Variants in MYOM2 observed in about 807,000 individuals in gnomAD.
MYOM2 encodes the protein myomesin 2.
A neutral mutation model predicts 187.6 loss-of-function variants in MYOM2; 254 were observed. The ratio of observed to expected loss-of-function variants is 1.35; its 90% CI spans 1.22 to 1.50. MYOM2 has a LOEUF of 1.50. Among genes scored for constraint, MYOM2 ranks in the 40% most tolerant of loss-of-function variants. MYOM2 has a pLI of 0.00. For synonymous variants in MYOM2, 981 were observed against 753.8 expected (o/e 1.30, Z -4.94); for missense variants, 2,796 against 1,924.0 (o/e 1.45, Z -8.48).
intron 28 of MYOM2, among the ~76,000 whole-genome samples, chr8:2,120,673 T>TAC (rs1797402156): frequency 5.0e-5 from 1 of 20,082 alleles, no homozygotes; most frequent in Non-Finnish European, 1.0e-4. Context: ...TATATATATA[T>TAC]ATTATATTAT....
At chr8:2,073,238 A>T in intron 9 of MYOM2, 101 bp from the exon 10 acceptor site, 1 of 1,322,260 alleles carries the variant, frequency 7.6e-7, no homozygotes, top group Non-Finnish European at 1.0e-6. Context: ...GTCCAGCTCG[A>T]CTGTCCTGTC....
rs1797221987 is a variant in MYOM2, at chr8:2,115,835, CA to C, written c.3181-124del. ...CCCAGAGGTTTCCTTGATAAAATTT[CA>C]TTTTGGTTTCTTCCTATCATAATCC... On this transcript the variant is annotated intron_variant, in intron 25 of 36. Coordinates refer to ENST00000262113, the MANE Select transcript of MYOM2 (RefSeq NM_003970.4). The C allele has an allele frequency of 4.6e-6, 5 of 1,076,066 alleles. No homozygotes were observed. In the East Asian group the frequency reaches 1.3e-4, roughly 27 times the overall value. The allele number at this position is 1,076,066 out of a possible 1,614,324, so 66.7% of individuals were successfully genotyped here.
intron 32 of MYOM2, among the ~76,000 whole-genome samples, chr8:2,130,400 G>A (rs1049123104): frequency 4.1e-5 from 5 of 121,736 alleles, no homozygotes; most frequent in East Asian, 2.9e-4. Context: ...CCCACACCCC[G>A]CCTTTAGTTA....
chr8:2,067,563 A>G (rs1819058131), intron 6 of MYOM2, among the ~76,000 whole-genome samples: 1 of 152,136 alleles, frequency 6.6e-6, no homozygotes, highest in Non-Finnish European at 1.5e-5. Flanking sequence ...GTTGAGTAAA[A>G]GCTCAGCTGA....
chr8:2,125,604 CT>C (rs35137852), intron 31 of MYOM2, among the ~76,000 whole-genome samples: 18,442 of 88,024 alleles, frequency 0.21, 564 homozygotes, highest in South Asian at 0.27. Context: ...ATTATTTTTC[CT>C]TTTTTTTTTT....
intron 10 of MYOM2, among the ~76,000 whole-genome samples, chr8:2,075,777 T>G (rs968888107): frequency 6.6e-6 from 1 of 152,222 alleles, no homozygotes; most frequent in African/African-American, 2.4e-5. Context: ...GTGATATTTC[T>G]CAGGTGTTAG....
rs759205095 is a variant in MYOM2 at position 2,144,759 on chromosome 8, G to C, written c.4176G>C (p.Ser1392=). 1.9e-6 allele frequency: 3 copies of C among 1,614,166 alleles called. No individual in the cohort carries two copies. Among genetic ancestry groups the C allele is most frequent in the East Asian group, 2.2e-5 (1 of 44,868 alleles). Residue 1392 remains serine (S), a synonymous_variant, in exon 37 of 37, where the codon TCG becomes TCC. Transcript: ENST00000262113. Reference sequence around the variant, plus strand: ...ACATCCAGCTCAGCGAGCACTTCTCGGTGAAGGTGGAGCAGGCCAAGTACG... The same window carrying C: ...ACATCCAGCTCAGCGAGCACTTCTCCGTGAAGGTGGAGCAGGCCAAGTACG... ...DQDIQLSEHF[S]VKVEQAKYVS...
In MYOM2 at chr8:2,060,505, G is replaced by A. The variant is rs1216715033; in HGVS notation, c.653+1260G>A. On this transcript the variant is annotated intron_variant, in intron 6 of 36. Coordinates refer to ENST00000262113, the MANE Select transcript of MYOM2 (RefSeq NM_003970.4). ...TCCCTTCTAGGAAAACATGAGGGAT[G>A]TTTGTATAAATAAGGTAAAAAATAA... Among the ~76,000 whole-genome samples, 4 of 134,684 alleles carry A rather than the reference G, an allele frequency of 3.0e-5. No homozygotes were observed. The South Asian group carries it at 6.7e-4, about 23-fold the overall frequency. 88.4% of individuals were successfully genotyped at this position (134,684 alleles called of 152,430 possible).
intron 32 of MYOM2, among the ~76,000 whole-genome samples, chr8:2,139,200 G>A (rs1404889485): frequency 6.6e-6 from 1 of 152,186 alleles, no homozygotes. Context: ...GAGTGCGGTG[G>A]TGTGATCACA....
intron 18 of MYOM2, chr8:2,097,072 C>G (rs1471420905): frequency 1.0e-6 from 1 of 966,620 alleles, no homozygotes; most frequent in South Asian, 4.8e-5. Context: ...CAGCTCCCGT[C>G]CGGACTGTGG....
chr8:2,079,864 G>T (rs1354150727), intron 13 of MYOM2, among the ~76,000 whole-genome samples: 2 of 152,180 alleles, frequency 1.3e-5, no homozygotes, highest in Non-Finnish European at 2.9e-5. Context: ...TTTCATTTGG[G>T]GTTTACAAAG....
intron 8 of MYOM2, among the ~76,000 whole-genome samples, chr8:2,072,053 C>T (rs540865544): frequency 2.5e-4 from 38 of 152,306 alleles, no homozygotes; most frequent in African/African-American, 7.5e-4. Flanking sequence ...GACCTGGCTA[C>T]GGGTGTTCCA....
intron 14 of MYOM2, 44 bp from the exon 15 acceptor site, chr8:2,089,964 C>G (rs368255215): frequency 1.3e-5 from 21 of 1,600,048 alleles, no homozygotes; most frequent in Non-Finnish European, 1.6e-5. Flanking sequence ...CTCTGGGGAC[C>G]TCGCGGTTTT....
intron 35 of MYOM2, 161 bp from the exon 36 acceptor site, chr8:2,143,240 C>G (rs1798339839): frequency 2.5e-6 from 2 of 810,754 alleles, no homozygotes; most frequent in East Asian, 5.3e-5. Flanking sequence ...TGGTTTATCC[C>G]TCAACTGTAA....
chr8:2,102,669 C>G lies in MYOM2; in HGVS notation c.2622C>G (p.Val874=). 1.2e-6 allele frequency: 2 copies of G among 1,608,564 alleles called. No homozygotes were observed. Among genetic ancestry groups the G allele is most frequent in the Non-Finnish European group, 1.7e-6 (2 of 1,175,310 alleles). Residue 874 remains valine, a splice_region_variant and synonymous_variant, in exon 21 of 37, where the codon GTC becomes GTG. Transcript: ENST00000262113. ...QTTTASRYLK[V]SDLQQGKTYV... ...GGTGTTTCCTCTGTTGTTTCAAGGT[C>G]TCTGACCTGCAGCAAGGTAAGACCT... is the stretch of plus-strand genomic sequence containing the variant.
At chr8:2,054,003 G>C (rs559042733) in intron 3 of MYOM2, among the ~76,000 whole-genome samples, 29 of 152,326 alleles carry the variant, frequency 1.9e-4, no homozygotes, top group African/African-American at 6.5e-4. Context: ...CTCTATCACC[G>C]TCATGCAGAA....
At chr8:2,100,133 C>CTTCCTTCCTTCCTTCCTTCCTTCTTTCT (rs1796651124) in intron 19 of MYOM2, among the ~76,000 whole-genome samples, 1 of 89,248 alleles carries the variant, frequency 1.1e-5, no homozygotes, top group African/African-American at 5.0e-5. Flanking sequence ...TCCTTCTTTC[C>CTTCCTTCCTTCCTTCCTTCCTTCTTTCT]TTCCTTCCTT....
rs374535938 is a variant in MYOM2 at position 2,116,117 on chromosome 8, G to C, written c.3325+13G>C. 6.5e-7 allele frequency: 1 copy of C among 1,548,310 alleles called. No individual in the cohort carries two copies. On this transcript the variant is annotated intron_variant, in intron 26 of 36. Coordinates refer to ENST00000262113, the MANE Select transcript of MYOM2 (RefSeq NM_003970.4). ...CTTATTGGAGATGGTATGCTATATC[G>C]AATATTTCCACGTCCATACAAGATA...
At chr8:2,117,001 G>A (rs1184749988) in intron 27 of MYOM2, among the ~76,000 whole-genome samples, 1 of 152,204 alleles carries the variant, frequency 6.6e-6, no homozygotes, top group Non-Finnish European at 1.5e-5. Context: ...CTGACCTCGT[G>A]ATCCGCCCGC....
Sources: gnomAD v4.1 joint callset for allele counts (sites outside exome capture counted in the v4.1 genomes callset) on GRCh38, gnomAD v4.1.1 for gene constraint, MANE v1.5 for transcripts, NCBI Gene and HGNC (gene_info 2026-07-23, HGNC 2026-07-21) for gene names.